The following CRTC2 variants were observed in gnomAD, a reference collection of about 807,000 sequenced individuals.
CRTC2 encodes the protein CREB-regulated transcription coactivator 2.
Under a neutral mutation model 70.9 loss-of-function variants are expected in CRTC2, and 25 were observed. The ratio of observed to expected loss-of-function variants is 0.35; its 90% CI spans 0.26 to 0.49. CRTC2 has a LOEUF of 0.49. Among genes scored for constraint, CRTC2 ranks in the 20% least tolerant of loss-of-function variants. The pLI is 0.98. For synonymous variants in CRTC2, 330 were observed against 364.1 expected (o/e 0.91, Z 1.07); for missense variants, 737 against 882.6 (o/e 0.83, Z 2.09).
chr1:153,957,175 G>A (rs920501670), intron 1 of CRTC2, among the ~76,000 whole-genome samples: 1 of 151,496 alleles, frequency 6.6e-6, no homozygotes, highest in Non-Finnish European at 1.5e-5. Context: ...CCACAAACTA[G>A]GGCACATAGT....
At chr1:153,955,706 A>AC (rs397861047) in intron 1 of CRTC2, among the ~76,000 whole-genome samples, 5 of 151,246 alleles carry the variant, frequency 3.3e-5, no homozygotes, top group Non-Finnish European at 7.4e-5. Context: ...TAAAAAAAAA[A>AC]TAAAGAAATT....
intron 1 of CRTC2, chr1:153,958,039 G>A (rs565338524): frequency 7.8e-7 from 1 of 1,275,174 alleles, no homozygotes; most frequent in African/African-American, 1.6e-5. Context: ...GACTCCGTCA[G>A]GGATGCACAA....
chr1:153,950,813 A>G (rs115546916), intron 11 of CRTC2, among the ~76,000 whole-genome samples: 107 of 152,312 alleles, frequency 7.0e-4, no homozygotes, highest in African/African-American at 2.5e-3. Flanking sequence ...GACAAGATAG[A>G]GGCATGAGAT....
At chr1:153,955,459 C>T (rs989445344) in intron 1 of CRTC2, among the ~76,000 whole-genome samples, 3 of 148,278 alleles carry the variant, frequency 2.0e-5, no homozygotes, top group Non-Finnish European at 3.0e-5. Context: ...CCCAGTTACT[C>T]GGGAGGCTGA....
In CRTC2 at chr1:153,952,003, A is replaced by G; in HGVS notation, c.997+15T>C. 1 of 1,609,488 alleles carries G rather than the reference A, an allele frequency of 6.2e-7. No homozygotes were observed. Among genetic ancestry groups the G allele is most frequent in the Non-Finnish European group, 8.5e-7 (1 of 1,178,088 alleles). The stretch of plus-strand genomic sequence containing the variant: ...GGCAGCACCCAGTGGGCACATGGCC[A>G]GGACAGTCACTCACCTGGTGCATCA... On this transcript the variant is annotated intron_variant, in intron 10 of 13. Transcript: ENST00000368633.
Position 153,952,636 on chromosome 1 carries a change from C to T in CRTC2, c.638-1G>A. Reference sequence around the variant, plus strand: ...AGCAAGTTCTCCTCAATAGCAGGTACTTGAAAGAGAAAGACTGGTGATGGG... The same window carrying T: ...AGCAAGTTCTCCTCAATAGCAGGTATTTGAAAGAGAAAGACTGGTGATGGG... On this transcript the variant is annotated splice_acceptor_variant, in intron 7 of 13. Transcript: ENST00000368633. LOFTEE classifies it high-confidence loss of function. 6.2e-7 allele frequency: 1 copy of T among 1,614,186 alleles called. No homozygotes were observed. The highest frequency in any genetic ancestry group is 2.2e-5 in the East Asian group (1 of 44,888).
Position 153,951,385 on chromosome 1 carries a change from G to C in CRTC2, c.1279C>G (p.His427Asp), listed in dbSNP as rs1194903404. Residue 427 changes from histidine to aspartate, a missense_variant, in exon 11 of 14, where the codon CAC becomes GAC. Around this residue, in one of 3 missense-constraint regions of CRTC2, gnomAD observed 699 missense variants for 823.7 expected, o/e 0.85. Coordinates refer to ENST00000368633, the MANE Select transcript of CRTC2 (RefSeq NM_181715.3). ...PASTPGASPH[H>D]RRVPLSPLSL... ...AGGGGGCTGAGGGGCACACGGCGGTGGTGGGGGGAGGCCCCAGGGGTAGAA... is the reference window on the plus strand; with the variant it reads ...AGGGGGCTGAGGGGCACACGGCGGTCGTGGGGGGAGGCCCCAGGGGTAGAA... The C allele has an allele frequency of 2.5e-6, 4 of 1,611,012 alleles. No individual in the cohort carries two copies. In the East Asian group the frequency reaches 8.9e-5, roughly 36 times the overall value.
chr1:153,953,178 G>A (rs947406739), intron 6 of CRTC2, 88 bp downstream of exon 6: 46 of 690,082 alleles, frequency 6.7e-5, no homozygotes, highest in South Asian at 1.1e-4. Context: ...GTGAGACTCC[G>A]TCTCAAAAAA....
chr1:153,951,844 C>T, intron 10 of CRTC2, 174 bp downstream of exon 10: 2 of 1,090,374 alleles, frequency 1.8e-6, no homozygotes, highest in Non-Finnish European at 1.3e-6. Context: ...TTCTAGGAAA[C>T]ACCACACCTA....
rs1342669791 is a variant in CRTC2 at position 153,958,537 on chromosome 1, G to A, written c.-40C>T. 1.9e-6 allele frequency: 3 copies of A among 1,546,098 alleles called. No individual in the cohort carries two copies. Among genetic ancestry groups the A allele is most frequent in the Admixed American group, 2.0e-5 (1 of 51,018 alleles). Reference sequence around the variant, plus strand: ...CCTCCCTGCCACCCTCCCAGTACCAGCCGCGGCCTCCGCCGCGGCCTCGGC... The same window carrying A: ...CCTCCCTGCCACCCTCCCAGTACCAACCGCGGCCTCCGCCGCGGCCTCGGC... On this transcript the variant is annotated 5_prime_UTR_variant, in exon 1 of 14. Transcript: ENST00000368633.
Position 153,954,919 on chromosome 1 carries a change from C to T in CRTC2, c.326G>A (p.Arg109Gln). ...RHHGLVERVQ[R>Q]DPRRMVSPLR... ...TGGGGACACCATTCTTCGAGGATCT[C>T]GCTGCACCCGTTCCACCAGCCCATG... Residue 109 changes from arginine (R) to glutamine (Q), a missense_variant, in exon 3 of 14, where the codon CGA (arginine) becomes CAA (glutamine). This residue lies in a region of CRTC2 where 699 missense variants were observed against 823.7 expected (regional missense o/e 0.85). Transcript: ENST00000368633. 6.2e-7 allele frequency: 1 copy of T among 1,613,988 alleles called. No individual in the cohort carries two copies. Among genetic ancestry groups the T allele is most frequent in the Non-Finnish European group, 8.5e-7 (1 of 1,180,022 alleles).
chr1:153,953,889 A>C (rs968812461), intron 4 of CRTC2, among the ~76,000 whole-genome samples: 5 of 152,020 alleles, frequency 3.3e-5, no homozygotes, highest in African/African-American at 1.2e-4. Flanking sequence ...ACAAGGGGAG[A>C]GTTTAAGAAA....
intron 1 of CRTC2, chr1:153,957,986 C>A: frequency 9.1e-7 from 1 of 1,095,050 alleles, no homozygotes; most frequent in Non-Finnish European, 1.1e-6. Context: ...TCCTCCCAGG[C>A]CATACCCCAA....
chr1:153,958,258 G>A (rs1418322156), intron 1 of CRTC2, 87 bp downstream of exon 1: 3 of 1,522,316 alleles, frequency 2.0e-6, no homozygotes, highest in African/African-American at 2.8e-5. Context: ...CGCCTCCTTC[G>A]CTGCGGCGCC....
chr1:153,958,154 T>A, intron 1 of CRTC2, 191 bp downstream of exon 1: 1 of 1,417,618 alleles, frequency 7.1e-7, no homozygotes, highest in Non-Finnish European at 9.2e-7. Context: ...ACCTCTCCGG[T>A]GTTTCGGTCT....
At chr1:153,957,918 G>T in intron 1 of CRTC2, 1 of 544,448 alleles carries the variant, frequency 1.8e-6, no homozygotes, top group Non-Finnish European at 2.4e-6. Flanking sequence ...AGAAGGCAGA[G>T]GGACCAGTTT....
chr1:153,953,628 A>G, intron 4 of CRTC2, 22 bp from the exon 5 acceptor site: 1 of 1,578,962 alleles, frequency 6.3e-7, no homozygotes, highest in Non-Finnish European at 8.7e-7. Context: ...AAACAAAGTC[A>G]TGAGGAGGAA....
Position 153,948,088 on chromosome 1 carries a change from A to G in CRTC2, c.*21T>C, listed in dbSNP as rs10559. On this transcript the variant is annotated 3_prime_UTR_variant, in exon 14 of 14. Transcript: ENST00000368633. Reference sequence around the variant, plus strand: ...GGTGGTGGGGGATGGGGCCAAGAAGAGGGATGGTGATGAGGTGCCCTCATT... The same window carrying G: ...GGTGGTGGGGGATGGGGCCAAGAAGGGGGATGGTGATGAGGTGCCCTCATT... 0.3 allele frequency: 490,537 copies of G among 1,610,308 alleles called. 76,641 individuals are homozygous for G. The highest frequency in any genetic ancestry group is 0.42 in the Admixed American group (24,939 of 59,828).
chr1:153,955,241 T>C, intron 1 of CRTC2, 75 bp from the exon 2 acceptor site: 1 of 1,111,354 alleles, frequency 9.0e-7, no homozygotes, highest in Non-Finnish European at 1.3e-6. Flanking sequence ...TTGCCATCTC[T>C]GTCACCAGGA....
Sources: gnomAD v4.1 joint callset for allele counts (sites outside exome capture counted in the v4.1 genomes callset) on GRCh38, gnomAD v4.1.1 for gene constraint, gnomAD v4.1.1 regional missense constraint, MANE v1.5 for transcripts, NCBI Gene and HGNC (gene_info 2026-07-23, HGNC 2026-07-21) for gene names.